The following MYO18A variants were observed in gnomAD, a reference collection of about 807,000 sequenced individuals.
MYO18A encodes unconventional myosin-XVIIIa.
Under a neutral mutation model 235.8 loss-of-function variants are expected in MYO18A, and 78 were observed. The observed-to-expected ratio is 0.33, with a 90% CI of 0.28 to 0.40. MYO18A has a LOEUF of 0.40. Among genes scored for constraint, MYO18A ranks in the 10% least tolerant of loss-of-function variants. The probability of loss-of-function intolerance (pLI) is 1.00; values close to 1 mark genes in which losing one functional copy is unlikely to be tolerated. For synonymous variants in MYO18A, 977 were observed against 1,077.8 expected, an observed-to-expected ratio of 0.91 and a Z score of 1.83; for missense variants, 2,215 against 2,699.3, an observed-to-expected ratio of 0.82 and a Z score of 3.98.
At chr17:29,112,087 AGAG>A (rs2066944280) in intron 15 of MYO18A, among the ~76,000 whole-genome samples, 1 of 152,220 alleles carries the variant, frequency 6.6e-6, no homozygotes, top group African/African-American at 2.4e-5. Context: ...CCACAGCAAA[AGAG>A]GGTGCTTAGC....
intron 2 of MYO18A, among the ~76,000 whole-genome samples, chr17:29,153,137 G>A (rs1433776519): frequency 6.6e-6 from 1 of 151,576 alleles, no homozygotes; most frequent in East Asian, 2.0e-4. Flanking sequence ...TTGCTTGTTT[G>A]TTTGAGACAG....
chr17:29,096,880 C>G lies in MYO18A; in HGVS notation c.4266G>C (p.Gln1422His), dbSNP rs891338826. ...TCTTCTTGAGCTGCTGCAGAGCCCGCTGACTCTCCTCACTATCTGCCTGCA... is the reference window on the plus strand; with the variant it reads ...TCTTCTTGAGCTGCTGCAGAGCCCGGTGACTCTCCTCACTATCTGCCTGCA... Reference protein sequence around the residue: ...GDLQADSEESQRALQQLKKKC... With the variant: ...GDLQADSEESHRALQQLKKKC... The change falls in exon 28 of 42, where the codon CAG (glutamine) becomes CAC (histidine). Residue 1422 changes from glutamine to histidine, a missense_variant. Transcript: ENST00000527372. 1.9e-6 allele frequency: 3 copies of G among 1,579,054 alleles called. No homozygotes were observed. Among genetic ancestry groups the G allele is most frequent in the Non-Finnish European group, 8.6e-7 (1 of 1,163,418 alleles).
intron 2 of MYO18A, chr17:29,127,745 G>GTCA: frequency 1.8e-6 from 1 of 563,252 alleles, no homozygotes; most frequent in Non-Finnish European, 2.3e-6. Context: ...CAGCCTCTCG[G>GTCA]TCATGCGGGG....
rs1262891852 is a variant in MYO18A, at chr17:29,120,757, C to A, written c.1587G>T (p.Val529=). The change falls in exon 7 of 42, where the codon GTG becomes GTT. Residue 529 remains valine (V), a splice_region_variant and synonymous_variant. Coordinates refer to ENST00000527372, the MANE Select transcript of MYO18A (RefSeq NM_078471.4). The surrounding 1 kb of genome is among the most constrained non-coding windows in gnomAD (Gnocchi z 4.2). ...GGGTGTACAGAGCCTGCCACTTCTC[C>A]ACTGCAGAATACAGGCCCAAGGGGA... The part of the protein sequence containing the change: ...AGISGNKVFS[V]EKWQALYTLL... 2 of 1,612,944 alleles carry A rather than the reference C, an allele frequency of 1.2e-6. No individual in the cohort carries two copies. Among genetic ancestry groups the A allele is most frequent in the Admixed American group, 3.3e-5 (2 of 59,902 alleles).
At chr17:29,133,483 G>A (rs2067522849) in intron 2 of MYO18A, among the ~76,000 whole-genome samples, 1 of 152,182 alleles carries the variant, frequency 6.6e-6, no homozygotes, top group African/African-American at 2.4e-5. Context: ...CACGTTCCAG[G>A]GGTGAGTCAA....
At chr17:29,080,027 T>C (rs971616730) in intron 41 of MYO18A, 33 of 985,724 alleles carry the variant, frequency 3.3e-5, no homozygotes, top group African/African-American at 3.1e-4. Flanking sequence ...GAGCCGGAGC[T>C]GGAGCTGGAG....
chr17:29,116,321 C>T, intron 11 of MYO18A, 123 bp downstream of exon 11: 1 of 1,126,306 alleles, frequency 8.9e-7, no homozygotes, highest in East Asian at 2.4e-5. Flanking sequence ...CACTGATGGC[C>T]CAACAGTGGG....
In MYO18A at chr17:29,121,350, G is replaced by T; in HGVS notation, c.1372-139C>A. 2 of 1,132,198 alleles carry T rather than the reference G, an allele frequency of 1.8e-6. No individual in the cohort carries two copies. Among genetic ancestry groups the T allele is most frequent in the Non-Finnish European group, 2.5e-6 (2 of 797,078 alleles). The allele number at this position is 1,132,198 out of a possible 1,614,324, so 70.1% of individuals were successfully genotyped here. On this transcript the variant is annotated intron_variant, in intron 5 of 41. Coordinates refer to ENST00000527372, the MANE Select transcript of MYO18A (RefSeq NM_078471.4). This position sits in a 1 kb window ranked among gnomAD's most constrained non-coding sequence, Gnocchi z 4.2. ...GATTCCAAGGCCAAGGCCATGCATG[G>T]AAATGAAGACACTAAGTCCTGGACT... is the stretch of plus-strand genomic sequence containing the variant.
At chr17:29,079,520 G>A (rs1371253565) in intron 41 of MYO18A, among the ~76,000 whole-genome samples, 3 of 152,228 alleles carry the variant, frequency 2.0e-5, no homozygotes, top group East Asian at 1.9e-4. Flanking sequence ...CATCACCAGC[G>A]AGTTCAGCTG....
In MYO18A at chr17:29,120,923, C is replaced by T; in HGVS notation, c.1585+75G>A. 6.4e-7 allele frequency: 1 copy of T among 1,563,150 alleles called. No individual in the cohort carries two copies. The highest frequency in any genetic ancestry group is 8.7e-7 in the Non-Finnish European group (1 of 1,149,956). On this transcript the variant is annotated intron_variant, in intron 6 of 41. Coordinates refer to ENST00000527372, the MANE Select transcript of MYO18A (RefSeq NM_078471.4). The surrounding 1 kb of genome is among the most constrained non-coding windows in gnomAD (Gnocchi z 4.2). Reference sequence around the variant, plus strand: ...AAAGGCCAGGGAGAAAAAGAGCTGGCACTTAAGAGGGTGCTCTCTCCTCAC... The same window carrying T: ...AAAGGCCAGGGAGAAAAAGAGCTGGTACTTAAGAGGGTGCTCTCTCCTCAC...
intron 1 of MYO18A, among the ~76,000 whole-genome samples, chr17:29,168,171 G>A (rs1057433030): frequency 1.3e-5 from 2 of 151,348 alleles, no homozygotes; most frequent in African/African-American, 4.9e-5. Context: ...AGACAGCTGC[G>A]AGGTGGGGGT....
chr17:29,171,057 G>T (rs1157484675), intron 1 of MYO18A, among the ~76,000 whole-genome samples: 1 of 152,192 alleles, frequency 6.6e-6, no homozygotes, highest in African/African-American at 2.4e-5. Flanking sequence ...GGGATCGCAT[G>T]AGGGAACTTT....
chr17:29,139,623 G>A (rs1478720803), intron 2 of MYO18A, among the ~76,000 whole-genome samples: 1 of 152,204 alleles, frequency 6.6e-6, no homozygotes, highest in East Asian at 1.9e-4. Context: ...GTGGCTGGGA[G>A]GGGTAGAGTC....
At chr17:29,145,861 C>A (rs769516743) in intron 2 of MYO18A, among the ~76,000 whole-genome samples, 2 of 152,310 alleles carry the variant, frequency 1.3e-5, no homozygotes, top group Middle Eastern at 6.8e-3. Context: ...AAGTAGACAG[C>A]TTACAGACAG....
rs1318847598 is a variant in MYO18A, at chr17:29,115,342, G to A, written c.2318+9C>T. 6.2e-7 allele frequency: 1 copy of A among 1,613,692 alleles called. No homozygotes were observed. Among genetic ancestry groups the A allele is most frequent in the Non-Finnish European group, 8.5e-7 (1 of 1,179,778 alleles). ...GCAGGAAAAGCCCTGGGTCCTGCCT[G>A]GCACTCACCTATTCACCAGGGAGAC... On this transcript the variant is annotated intron_variant, in intron 13 of 41. Transcript: ENST00000527372.
At chr17:29,099,873 G>T (rs2152787486) in intron 21 of MYO18A, 111 bp from the exon 22 acceptor site, 6 of 1,432,040 alleles carry the variant, frequency 4.2e-6, no homozygotes, top group Admixed American at 2.5e-5. Context: ...ACAGCCCTTG[G>T]CTTGGGAAGA....
chr17:29,146,108 A>C (rs569768183), intron 2 of MYO18A, among the ~76,000 whole-genome samples: 2 of 152,070 alleles, frequency 1.3e-5, no homozygotes, highest in African/African-American at 4.8e-5. Context: ...AAATACAAAA[A>C]TTAGCCAGGC....
intron 2 of MYO18A, among the ~76,000 whole-genome samples, chr17:29,155,967 G>A (rs1247372521): frequency 6.6e-6 from 1 of 152,210 alleles, no homozygotes; most frequent in Non-Finnish European, 1.5e-5. Context: ...AGAGCGGGAA[G>A]GTTCCAGGAA....
rs2067710525 is a variant in MYO18A, at chr17:29,140,431, TGGCCCCGCCCAGTTCCCGCCCTCTCCCC to T, written c.1000-18206_1000-18179del. ...TAGCAGCTCAAAATAGCACAGGCTGTGGCCCCGCCCAGTTCCCGCCCTCTCCCCGGCCCCTCCCGTCCCGAGCTGCCCA... is the reference window on the plus strand; with the variant it reads ...TAGCAGCTCAAAATAGCACAGGCTGTGGCCCCTCCCGTCCCGAGCTGCCCA... On this transcript the variant is annotated intron_variant, in intron 2 of 41. Coordinates refer to ENST00000527372, the MANE Select transcript of MYO18A (RefSeq NM_078471.4). The surrounding 1 kb of genome is among the most constrained non-coding windows in gnomAD (Gnocchi z 4.2). 18 of 1,266,060 alleles carry T rather than the reference TGGCCCCGCCCAGTTCCCGCCCTCTCCCC, an allele frequency of 1.4e-5. No individual in the cohort carries two copies. Among genetic ancestry groups the T allele is most frequent in the Non-Finnish European group, 1.7e-5 (17 of 977,964 alleles). 78.4% of individuals were successfully genotyped at this position (1,266,060 alleles called of 1,614,324 possible).
Sources: gnomAD v4.1 joint callset for allele counts (sites outside exome capture counted in the v4.1 genomes callset) on GRCh38, gnomAD v4.1.1 for gene constraint, Gnocchi (gnomAD v3.1) non-coding constraint, MANE v1.5 for transcripts, NCBI Gene and HGNC (gene_info 2026-07-23, HGNC 2026-07-21) for gene names.